The following CDC42BPA variants were observed in gnomAD, a reference collection of about 807,000 sequenced individuals.
The protein encoded by CDC42BPA is serine/threonine-protein kinase MRCK alpha.
CDC42BPA carries 80 observed loss-of-function variants against 223.5 expected under a neutral mutation model. The ratio of observed to expected loss-of-function variants is 0.36; its 90% CI spans 0.30 to 0.43. The LOEUF is 0.43. Among genes scored for constraint, CDC42BPA ranks in the 20% least tolerant of loss-of-function variants. The pLI, the probability that CDC42BPA is intolerant of heterozygous loss-of-function variation, is 1.00. For missense variants in CDC42BPA, 1,743 were observed against 2,099.9 expected (o/e 0.83, Z 3.32); for synonymous variants, 694 against 718.6 (o/e 0.97, Z 0.55).
intron 34 of CDC42BPA, chr1:227,010,998 T>G (rs1665073982): frequency 7.3e-7 from 1 of 1,361,886 alleles, no homozygotes; most frequent in Admixed American, 1.9e-5. Context: ...GATAGATGTG[T>G]TCAAAGTTGA....
chr1:227,112,962 A>G, intron 12 of CDC42BPA, 49 bp from the exon 13 acceptor site: 1 of 1,589,874 alleles, frequency 6.3e-7, no homozygotes, highest in Non-Finnish European at 8.6e-7. Flanking sequence ...CAACCTAGAG[A>G]CCAAATTTGG....
intron 21 of CDC42BPA, among the ~76,000 whole-genome samples, chr1:227,068,240 T>TG (rs1240455521): frequency 2.0e-5 from 3 of 151,324 alleles, no homozygotes; most frequent in East Asian, 3.9e-4. Flanking sequence ...AATTTTTTTT[T>TG]ATTATACCAC....
intron 1 of CDC42BPA, among the ~76,000 whole-genome samples, chr1:227,263,477 T>C (rs1180645831): frequency 4.6e-5 from 7 of 152,312 alleles, no homozygotes; most frequent in African/African-American, 1.7e-4. Flanking sequence ...GGGAAAATGA[T>C]ACTCTTCCAC....
rs761418365 is a variant in CDC42BPA at position 227,017,060 on chromosome 1, T to C, written c.4616-10A>G. On this transcript the variant is annotated splice_polypyrimidine_tract_variant and intron_variant, in intron 32 of 36. Coordinates refer to ENST00000366766, the MANE Select transcript of CDC42BPA (RefSeq NM_001394014.1). Reference sequence around the variant, plus strand: ...ACCAGTTCGTCCCCTTCTGTTAAAATAAAAATACAAACGATAATGATGTTC... The same window carrying C: ...ACCAGTTCGTCCCCTTCTGTTAAAACAAAAATACAAACGATAATGATGTTC... 1.2e-6 allele frequency: 2 copies of C among 1,605,282 alleles called. No individual in the cohort carries two copies. The highest frequency in any genetic ancestry group is 1.7e-6 in the Non-Finnish European group (2 of 1,176,294).
intron 5 of CDC42BPA, 47 bp from the exon 6 acceptor site, chr1:227,160,683 CATT>C (rs1443294116): frequency 6.8e-6 from 7 of 1,022,150 alleles, no homozygotes; most frequent in Non-Finnish European, 1.0e-5. Context: ...ATAAACAATT[CATT>C]GTTTGGTAAG....
intron 30 of CDC42BPA, 27 bp downstream of exon 30, chr1:227,028,630 A>C (rs1668700735): frequency 7.1e-7 from 1 of 1,411,724 alleles, no homozygotes; most frequent in East Asian, 2.3e-5. Flanking sequence ...TATAAAGATA[A>C]GACAGCCGTA....
At chr1:227,111,064 T>G (rs1686824808) in intron 14 of CDC42BPA, among the ~76,000 whole-genome samples, 3 of 152,226 alleles carry the variant, frequency 2.0e-5, no homozygotes, top group Admixed American at 1.3e-4. Flanking sequence ...ATATACAGAT[T>G]TGCAAATAAA....
intron 5 of CDC42BPA, among the ~76,000 whole-genome samples, chr1:227,168,367 T>C (rs1032647983): frequency 1.3e-5 from 2 of 152,174 alleles, no homozygotes; most frequent in Non-Finnish European, 2.9e-5. Flanking sequence ...TTAATGGAAT[T>C]GTAGTTCCCC....
chr1:227,085,255 A>G (rs943531681), intron 16 of CDC42BPA, among the ~76,000 whole-genome samples: 1 of 152,214 alleles, frequency 6.6e-6, no homozygotes, highest in Non-Finnish European at 1.5e-5. Context: ...AATACAGGCC[A>G]CAACCATGTT....
At chr1:227,175,732 A>G (rs190690239) in intron 5 of CDC42BPA, among the ~76,000 whole-genome samples, 1 of 152,274 alleles carries the variant, frequency 6.6e-6, no homozygotes, top group Non-Finnish European at 1.5e-5. Flanking sequence ...ACATGACCCT[A>G]AAAGTCTTTG....
chr1:226,998,414 C>A (rs576016715), intron 35 of CDC42BPA, among the ~76,000 whole-genome samples: 22 of 152,232 alleles, frequency 1.4e-4, no homozygotes, highest in Admixed American at 7.2e-4. Context: ...GCTACAGTAA[C>A]CAAAACAACA....
chr1:227,243,330 T>C (rs1292695433), intron 2 of CDC42BPA, among the ~76,000 whole-genome samples: 8 of 152,192 alleles, frequency 5.3e-5, no homozygotes, highest in African/African-American at 9.7e-5. Context: ...AGAACTGTTT[T>C]TAAAAAAGAC....
chr1:227,002,584 A>G (rs1310274476), intron 35 of CDC42BPA, among the ~76,000 whole-genome samples: 1 of 152,220 alleles, frequency 6.6e-6, no homozygotes, highest in South Asian at 2.1e-4. Context: ...GATCAACAGC[A>G]TACTGAAGAA....
chr1:227,002,801 AC>A (rs1331938703), intron 35 of CDC42BPA, among the ~76,000 whole-genome samples: 1 of 152,156 alleles, frequency 6.6e-6, no homozygotes, highest in Non-Finnish European at 1.5e-5. Flanking sequence ...GAGCCAGGAA[AC>A]TGATTCCCTA....
intron 6 of CDC42BPA, among the ~76,000 whole-genome samples, chr1:227,157,945 A>G (rs1663113879): frequency 7.0e-6 from 1 of 143,210 alleles, no homozygotes; most frequent in African/African-American, 2.6e-5. Context: ...TTTCTTAAAT[A>G]TTTTTATAAC....
intron 2 of CDC42BPA, chr1:227,219,182 C>T (rs17613235): frequency 0.11 from 16,983 of 152,184 alleles, 1,213 homozygotes; most frequent in South Asian, 0.21. Flanking sequence ...TCCTTTCAGA[C>T]CCTAGAACTG....
At chr1:227,284,214 A>G (rs10916114) in intron 1 of CDC42BPA, among the ~76,000 whole-genome samples, 22,804 of 152,178 alleles carry the variant, frequency 0.15, 2,076 homozygotes, top group African/African-American at 0.24. Context: ...TTGATATTTT[A>G]TAACTAAAAA....
Position 227,199,653 on chromosome 1 carries a change from C to A in CDC42BPA, c.355-1G>T. ...CCCTTTCTTCACGAAAACATGCTGTCTGAAACACAAAAAGAAAATTTTTAG... is the reference window on the plus strand; with the variant it reads ...CCCTTTCTTCACGAAAACATGCTGTATGAAACACAAAAAGAAAATTTTTAG... On this transcript the variant is annotated splice_acceptor_variant, in intron 3 of 36. Transcript: ENST00000366766. LOFTEE classifies it high-confidence loss of function. The A allele has an allele frequency of 6.3e-7, 1 of 1,581,506 alleles. No individual in the cohort carries two copies. Among genetic ancestry groups the A allele is most frequent in the Non-Finnish European group, 8.7e-7 (1 of 1,154,984 alleles).
chr1:227,249,603 C>T (rs1170430588), intron 2 of CDC42BPA, among the ~76,000 whole-genome samples: 1 of 152,048 alleles, frequency 6.6e-6, no homozygotes, highest in Non-Finnish European at 1.5e-5. Flanking sequence ...CTATAGGAAA[C>T]AATCTGATAA....
Sources: gnomAD v4.1 joint callset for allele counts (sites outside exome capture counted in the v4.1 genomes callset) on GRCh38, gnomAD v4.1.1 for gene constraint, MANE v1.5 for transcripts, NCBI Gene and HGNC (gene_info 2026-07-23, HGNC 2026-07-21) for gene names.